PFKFB2: variants seen among roughly 807,000 people sequenced by gnomAD.
PFKFB2 encodes 6-phosphofructo-2-kinase/fructose-2,6-bisphosphatase 2.
PFKFB2 carries 53 observed loss-of-function variants against 68.0 expected under a neutral mutation model. The observed-to-expected ratio is 0.78, with a 90% CI of 0.63 to 0.98. The LOEUF (loss-of-function observed/expected upper bound fraction) is 0.98, where lower values mean the gene tolerates loss of function less well. Among genes scored for constraint, PFKFB2 ranks in the 50% least tolerant of loss-of-function variants. The pLI is 0.00. For synonymous variants in PFKFB2, 222 were observed against 227.6 expected (o/e 0.98, Z 0.22); for missense variants, 451 against 642.0 (o/e 0.70, Z 3.22).
upstream of PFKFB2, chr1:207,050,781 G>C: frequency 6.2e-7 from 1 of 1,613,456 alleles, no homozygotes; most frequent in Non-Finnish European, 8.5e-7. Flanking sequence ...TGACCGCCGG[G>C]GGCGATCCCG....
At chr1:207,049,861 G>A (rs1682693356), upstream of PFKFB2, 1 of 740,984 alleles carries the variant, frequency 1.3e-6, no homozygotes, top group South Asian at 2.1e-5. Context: ...AGTTTTGCAA[G>A]TAAGTTACCA....
chr1:207,052,398 A>T, upstream of PFKFB2: 1 of 589,700 alleles, frequency 1.7e-6, no homozygotes, highest in Non-Finnish European at 3.0e-6. Flanking sequence ...GCAGTGGCTC[A>T]CACCTGTAAT....
intron 8 of PFKFB2, among the ~76,000 whole-genome samples, chr1:207,065,605 G>A (rs1227763086): frequency 1.3e-5 from 2 of 152,012 alleles, no homozygotes; most frequent in Non-Finnish European, 2.9e-5. Flanking sequence ...ACCCGCCTCG[G>A]CCTCCCAAAG....
rs1297967014 is a variant in PFKFB2, at chr1:207,075,391, G to A, written c.*3020G>A. ...AGATCCCTTCAGAGAAGTCTAGCAG[G>A]AAGAAGCCAGGAGAATGTAGAATGG... On this transcript the variant is annotated 3_prime_UTR_variant, in exon 15 of 15. Transcript: ENST00000367080. 5 of 985,336 alleles carry A rather than the reference G, an allele frequency of 5.1e-6. No homozygotes were observed. The African/African-American group carries it at 7.0e-5, about 14-fold the overall frequency. 61.0% of individuals were successfully genotyped at this position (985,336 alleles called of 1,614,324 possible). A position where few individuals can be genotyped will look rare whatever the true frequency, so the allele number is the denominator to read the frequency against.
At chr1:207,045,062 G>GT (rs1222362907) in intron 2 of PFKFB2, 1 of 152,452 alleles carries the variant, frequency 6.6e-6, no homozygotes, top group Non-Finnish European at 1.5e-5. Flanking sequence ...AACAGCTTTA[G>GT]TTTATAAACT....
chr1:207,076,756 C>T lies in PFKFB2; in HGVS notation c.*4385C>T, dbSNP rs867459174. ...TGACTCTAGTAGGATCTGTTTGTCA[C>T]TGACAGACTGTAGTAGTGTCTGTGT... On this transcript the variant is annotated 3_prime_UTR_variant, in exon 15 of 15. Transcript: ENST00000367080. The T allele has an allele frequency of 1.0e-6, 1 of 974,580 alleles. No individual in the cohort carries two copies. The highest frequency in any genetic ancestry group is 1.2e-6 in the Non-Finnish European group (1 of 825,534). The allele number at this position is 974,580 out of a possible 1,614,324, so 60.4% of individuals were successfully genotyped here. A position where few individuals can be genotyped will look rare whatever the true frequency, so the allele number is the denominator to read the frequency against.
At chr1:207,036,172 A>G (rs1229656348) in intron 1 of PFKFB2, among the ~76,000 whole-genome samples, 1 of 152,162 alleles carries the variant, frequency 6.6e-6, no homozygotes, top group Non-Finnish European at 1.5e-5. Context: ...ACATTTCAAC[A>G]TGAGATTTGG....
intron 7 of PFKFB2, 133 bp from the exon 8 acceptor site, chr1:207,064,903 A>G: frequency 1.0e-6 from 1 of 1,002,244 alleles, no homozygotes; most frequent in South Asian, 1.7e-5. Flanking sequence ...GTACTCAATG[A>G]GTGGAGTGCC....
At position 207,063,406 on chromosome 1, in the gene PFKFB2, ACAGAATT is replaced by A. The variant is rs1683175739; in HGVS notation, c.437_443del (p.Gln146ProfsTer39). ...GGGACATGATTTTGAACTTTGCTGA[ACAGAATT>A]CCTTCAAGGTAGGATCTGACTCCAT... On this transcript the variant is annotated frameshift_variant, in exon 6 of 15. Transcript: ENST00000367080. LOFTEE classifies it high-confidence loss of function. The surrounding 1 kb of genome is among the most constrained non-coding windows in gnomAD (Gnocchi z 4.1). 1 of 1,612,858 alleles carries A rather than the reference ACAGAATT, an allele frequency of 6.2e-7. No individual in the cohort carries two copies. The highest frequency in any genetic ancestry group is 1.1e-5 in the South Asian group (1 of 90,996).
chr1:207,047,100 T>C (rs1158288647), intron 2 of PFKFB2: 1 of 152,474 alleles, frequency 6.6e-6, no homozygotes, highest in African/African-American at 2.4e-5. Context: ...ACCAAAACCA[T>C]CCAGATCAGA....
chr1:207,062,435 C>A, intron 3 of PFKFB2, 185 bp from the exon 4 acceptor site: 1 of 874,020 alleles, frequency 1.1e-6, no homozygotes, highest in Non-Finnish European at 1.8e-6. Context: ...AAGACTTGTC[C>A]AAGGTCTAGA....
In PFKFB2 at chr1:207,063,685, G is replaced by C; in HGVS notation, c.451-88G>C. On this transcript the variant is annotated intron_variant, in intron 6 of 14. Transcript: ENST00000367080. This position sits in a 1 kb window ranked among gnomAD's most constrained non-coding sequence, Gnocchi z 4.1. The stretch of plus-strand genomic sequence containing the variant: ...CATGAAGAAAATCCTGGGAGATGTG[G>C]TGGCTGGGTGGGGTAGATGAGCATG... 1.8e-6 allele frequency: 2 copies of C among 1,081,642 alleles called. No homozygotes were observed. The highest frequency in any genetic ancestry group is 2.9e-6 in the Non-Finnish European group (2 of 695,784). The allele number at this position is 1,081,642 out of a possible 1,614,324, so 67.0% of individuals were successfully genotyped here.
chr1:207,054,949 C>A, intron 2 of PFKFB2, 147 bp downstream of exon 2: 2 of 622,182 alleles, frequency 3.2e-6, no homozygotes, highest in Non-Finnish European at 5.7e-6. Flanking sequence ...GGTAGAATGT[C>A]CTGTCTAAAA....
At position 207,063,816 on chromosome 1, in the gene PFKFB2, C is replaced by A; in HGVS notation, c.494C>A (p.Ala165Asp). ...ESVCDDPDVI[A>D]ANILEVKVSS... ...GTCTGTGATGATCCTGATGTCATTGCTGCCAATATTCTGGTTGGTGACACC... is the reference window on the plus strand; with the variant it reads ...GTCTGTGATGATCCTGATGTCATTGATGCCAATATTCTGGTTGGTGACACC... Residue 165 changes from alanine (A) to aspartate (D), a missense_variant, in exon 7 of 15, where the codon GCT becomes GAT. Ala to Asp is a moderately radical substitution (Grantham distance 126). Coordinates refer to ENST00000367080, the MANE Select transcript of PFKFB2 (RefSeq NM_006212.2). The surrounding 1 kb of genome is among the most constrained non-coding windows in gnomAD (Gnocchi z 4.1). The A allele has an allele frequency of 6.2e-7, 1 of 1,613,254 alleles. No homozygotes were observed. The highest frequency in any genetic ancestry group is 8.5e-7 in the Non-Finnish European group (1 of 1,179,434).
intron 2 of PFKFB2, among the ~76,000 whole-genome samples, chr1:207,055,216 A>G (rs1009862757): frequency 3.3e-5 from 5 of 152,132 alleles, no homozygotes; most frequent in Admixed American, 2.6e-4. Flanking sequence ...CATTGTAGAA[A>G]TTGCAGATGG....
At chr1:207,050,648 C>T (rs745847935), upstream of PFKFB2, 12 of 1,604,854 alleles carry the variant, frequency 7.5e-6, no homozygotes, top group Admixed American at 3.5e-5. Context: ...CCCTCTCCAT[C>T]CTCCCGGGAC....
intron 2 of PFKFB2, among the ~76,000 whole-genome samples, chr1:207,058,658 C>T (rs1184040228): frequency 6.6e-6 from 1 of 151,896 alleles, no homozygotes; most frequent in African/African-American, 2.4e-5. Context: ...ATGAGACTGG[C>T]TAATTTTTAT....
chr1:207,078,665 T>G (rs912250804), downstream of PFKFB2, among the ~76,000 whole-genome samples: 1 of 152,240 alleles, frequency 6.6e-6, no homozygotes, highest in Non-Finnish European at 1.5e-5. Context: ...GGATCCTGAC[T>G]GCTCCTGCTT....
At chr1:207,037,955 T>C (rs754322187) in intron 1 of PFKFB2, among the ~76,000 whole-genome samples, 2 of 152,210 alleles carry the variant, frequency 1.3e-5, no homozygotes, top group African/African-American at 2.4e-5. Flanking sequence ...GAGCACTCAG[T>C]AAATGCTAAC....
Sources: allele counts gnomAD v4.1 joint callset (sites outside exome capture counted in the v4.1 genomes callset), GRCh38; gene constraint gnomAD v4.1.1; non-coding constraint Gnocchi (gnomAD v3.1); transcripts MANE v1.5; gene names NCBI Gene and HGNC (gene_info 2026-07-23, HGNC 2026-07-21).